Variants in INPP5B observed in about 807,000 individuals in gnomAD.
The protein encoded by INPP5B is inositol polyphosphate-5-phosphatase B, also known as type II inositol 1,4,5-trisphosphate 5-phosphatase.
In INPP5B, 90 loss-of-function variants were observed where a neutral mutation model predicts 118.5. The observed-to-expected ratio is 0.76, with a 90% CI of 0.64 to 0.90. The LOEUF (loss-of-function observed/expected upper bound fraction) is 0.90. Ranked by LOEUF, INPP5B falls within the 40% of genes least tolerant of loss-of-function variation. The pLI, the probability that INPP5B is intolerant of heterozygous loss-of-function variation, is 0.00. For missense variants in INPP5B, 984 were observed against 1,125.6 expected (o/e 0.87, Z 1.80); for synonymous variants, 385 against 418.9 (o/e 0.92, Z 0.99).
At chr1:37,869,295 AT>A (rs1002131287) in intron 19 of INPP5B, among the ~76,000 whole-genome samples, 13 of 142,780 alleles carry the variant, frequency 9.1e-5, no homozygotes, top group South Asian at 2.2e-4. Context: ...GCCCGGCCCG[AT>A]TTTTTTTTTA....
chr1:37,906,870 A>AAAG (rs1166039193), intron 7 of INPP5B, among the ~76,000 whole-genome samples: 9 of 151,634 alleles, frequency 5.9e-5, no homozygotes, highest in Non-Finnish European at 7.4e-5. Context: ...AAAAAAAAAA[A>AAAG]AAAGAAAGAA....
rs1490747404 is a variant in INPP5B at position 37,860,847 on chromosome 1, C to CG, written c.*1467dup. The CG allele has an allele frequency of 1.3e-5, 2 of 152,190 alleles. No individual in the cohort carries two copies. The highest frequency in any genetic ancestry group is 6.5e-5 in the Admixed American group (1 of 15,270). The allele number at this position is 152,190 out of a possible 1,614,324, so 9.4% of individuals were successfully genotyped here. On this transcript the variant is annotated 3_prime_UTR_variant, in exon 24 of 24. Transcript: ENST00000373024. ...TGATTTTACATTTTATTTTTAGAGA[C>CG]GGGGTCTCCCTCTCTCACCCGGGCT...
At chr1:37,925,625 T>C (rs776908214) in intron 7 of INPP5B, among the ~76,000 whole-genome samples, 23 of 152,174 alleles carry the variant, frequency 1.5e-4, no homozygotes, top group Non-Finnish European at 1.8e-4. Context: ...CTAATAAATA[T>C]ATTGATGCCT....
chr1:37,896,732 T>C (rs1311315366), intron 7 of INPP5B, among the ~76,000 whole-genome samples: 2 of 101,858 alleles, frequency 2.0e-5, no homozygotes, highest in Non-Finnish European at 4.0e-5. Flanking sequence ...GGTGGGGGAG[T>C]CAGCCCCCCG....
intron 7 of INPP5B, among the ~76,000 whole-genome samples, chr1:37,912,053 C>A (rs963663859): frequency 6.6e-6 from 1 of 152,168 alleles, no homozygotes; most frequent in Non-Finnish European, 1.5e-5. Flanking sequence ...AGACACCAGC[C>A]CTCTAGGCAA....
chr1:37,874,190 C>A, intron 17 of INPP5B, 35 bp from the exon 18 acceptor site: 1 of 1,486,668 alleles, frequency 6.7e-7, no homozygotes, highest in South Asian at 1.4e-5. Context: ...AAAACCAGTG[C>A]CCTTTCCTCA....
intron 7 of INPP5B, among the ~76,000 whole-genome samples, chr1:37,896,206 C>T (rs1263488898): frequency 6.6e-6 from 1 of 151,154 alleles, no homozygotes; most frequent in East Asian, 2.0e-4. Context: ...CCGGCCGCCC[C>T]GTCTGAGAAG....
At chr1:37,900,358 G>A (rs1273311866) in intron 7 of INPP5B, among the ~76,000 whole-genome samples, 3 of 151,058 alleles carry the variant, frequency 2.0e-5, no homozygotes, top group Non-Finnish European at 3.0e-5. Context: ...AGGTTCAAGC[G>A]ATTCTCCTGC....
intron 16 of INPP5B, among the ~76,000 whole-genome samples, chr1:37,876,107 GTT>G (rs58127949): frequency 4.1e-4 from 50 of 121,984 alleles, no homozygotes; most frequent in Non-Finnish European, 3.8e-4. Flanking sequence ...TCTCAAGTTT[GTT>G]TTTTTTTTTT....
At chr1:37,901,338 T>C (rs1644325637) in intron 7 of INPP5B, among the ~76,000 whole-genome samples, 1 of 152,166 alleles carries the variant, frequency 6.6e-6, no homozygotes. Flanking sequence ...TGGGTCTCGG[T>C]TTCTTCATCT....
chr1:37,930,511 T>C (rs1039172464), intron 7 of INPP5B: 2 of 152,254 alleles, frequency 1.3e-5, no homozygotes, highest in South Asian at 2.1e-4. Flanking sequence ...ATTCTGGCAG[T>C]CTCTTGTGAA....
chr1:37,883,019 G>A (rs905273134), intron 13 of INPP5B, 101 bp from the exon 14 acceptor site: 3 of 1,498,242 alleles, frequency 2.0e-6, no homozygotes, highest in African/African-American at 2.8e-5. Context: ...AGCCTCTTGG[G>A]AGGTGGGTGG....
chr1:37,889,734 C>T lies in INPP5B; in HGVS notation c.630-10G>A, dbSNP rs867589971. On this transcript the variant is annotated splice_polypyrimidine_tract_variant and intron_variant, in intron 8 of 23. Transcript: ENST00000373024. ...CTTGGATTTATTCTGTCTGGAAAAACAGAAGTATTTTTTTCATATGTGGAT... is the reference window on the plus strand; with the variant it reads ...CTTGGATTTATTCTGTCTGGAAAAATAGAAGTATTTTTTTCATATGTGGAT... 34 of 1,600,668 alleles carry T rather than the reference C, an allele frequency of 2.1e-5. No individual in the cohort carries two copies. In the Middle Eastern group the frequency reaches 5.1e-3, roughly 242 times the overall value.
intron 15 of INPP5B, among the ~76,000 whole-genome samples, chr1:37,878,673 G>A (rs1055942938): frequency 6.6e-6 from 1 of 151,674 alleles, no homozygotes; most frequent in African/African-American, 2.4e-5. Context: ...TTATAGAGAT[G>A]GAGTCTTGCT....
intron 4 of INPP5B, 31 bp from the exon 5 acceptor site, chr1:37,943,700 C>T: frequency 6.2e-7 from 1 of 1,613,812 alleles, no homozygotes; most frequent in East Asian, 2.2e-5. Context: ...ATGCCCTTAG[C>T]AATTGAGCTT....
At chr1:37,868,458 C>T in intron 20 of INPP5B, 43 bp downstream of exon 20, 1 of 1,332,050 alleles carries the variant, frequency 7.5e-7, no homozygotes, top group South Asian at 1.2e-5. Context: ...GTCCTCAAGG[C>T]AGCCTGGCCT....
At chr1:37,868,213 T>C (rs949028277) in intron 20 of INPP5B, among the ~76,000 whole-genome samples, 3 of 150,658 alleles carry the variant, frequency 2.0e-5, no homozygotes, top group African/African-American at 7.3e-5. Context: ...CCTGGGAGAC[T>C]GAGGCGGGAG....
At chr1:37,900,228 G>A (rs375377512) in intron 7 of INPP5B, among the ~76,000 whole-genome samples, 8 of 148,850 alleles carry the variant, frequency 5.4e-5, no homozygotes, top group African/African-American at 1.7e-4. Context: ...ACTACAGGCA[G>A]ATGCCACCAC....
chr1:37,872,370 C>A (rs373844910), intron 19 of INPP5B, among the ~76,000 whole-genome samples: 413 of 102,024 alleles, frequency 4.0e-3, no homozygotes, highest in Middle Eastern at 5.8e-3. Context: ...AACTCCGTCT[C>A]AAAAAAAAAA....
Sources: gnomAD v4.1 joint callset for allele counts (sites outside exome capture counted in the v4.1 genomes callset) on GRCh38, gnomAD v4.1.1 for gene constraint, MANE v1.5 for transcripts, NCBI Gene and HGNC (gene_info 2026-07-23, HGNC 2026-07-21) for gene names.